The following FUBP3 variants were observed in gnomAD, a reference collection of about 807,000 sequenced individuals.
FUBP3 encodes far upstream element-binding protein 3.
FUBP3 carries 28 observed loss-of-function variants against 85.6 expected under a neutral mutation model. The observed-to-expected ratio is 0.33, with a 90% CI of 0.24 to 0.45. FUBP3 has a LOEUF of 0.45. Ranked by LOEUF, FUBP3 falls within the 20% of genes least tolerant of loss-of-function variation. The probability of loss-of-function intolerance (pLI) is 1.00; values close to 1 mark genes in which losing one functional copy is unlikely to be tolerated. For synonymous variants in FUBP3, 271 were observed against 271.4 expected, an observed-to-expected ratio of 1.00 and a Z score of 0.01; for missense variants, 583 against 755.1, an observed-to-expected ratio of 0.77 and a Z score of 2.67.
intron 6 of FUBP3, among the ~76,000 whole-genome samples, chr9:130,615,991 T>C (rs940195208): frequency 3.9e-5 from 6 of 152,198 alleles, no homozygotes; most frequent in African/African-American, 1.4e-4. Context: ...AGAAGGGTCA[T>C]GTTGGATGGG....
At chr9:130,623,408 A>G (rs984992771) in intron 10 of FUBP3, among the ~76,000 whole-genome samples, 3 of 152,174 alleles carry the variant, frequency 2.0e-5, no homozygotes, top group African/African-American at 7.2e-5. Context: ...AGAATTGAGC[A>G]TTGACCTGAA....
At chr9:130,587,055 GTTTTT>G (rs369585277) in intron 1 of FUBP3, among the ~76,000 whole-genome samples, 3 of 119,344 alleles carry the variant, frequency 2.5e-5, no homozygotes, top group African/African-American at 1.1e-4. Flanking sequence ...GGCGTTTTTT[GTTTTT>G]TTTTTTTGTT....
intron 2 of FUBP3, among the ~76,000 whole-genome samples, chr9:130,601,801 A>ATTTTTTTTTTTTTTTTTTTTTTTTT (rs113638192): frequency 8.5e-6 from 1 of 117,376 alleles, no homozygotes; most frequent in Non-Finnish European, 1.7e-5. Context: ...ATAATTCCTA[A>ATTTTTTTTTTTTTTTTTTTTTTTTT]TTTTTTTTTT....
At chr9:130,634,421 C>T (rs1456605150) in intron 16 of FUBP3, among the ~76,000 whole-genome samples, 1 of 152,242 alleles carries the variant, frequency 6.6e-6, no homozygotes, top group African/African-American at 2.4e-5. Context: ...CTTGCGTCTC[C>T]ATCTGAAGAG....
At chr9:130,606,059 T>C (rs570415918) in intron 2 of FUBP3, among the ~76,000 whole-genome samples, 74 of 152,334 alleles carry the variant, frequency 4.9e-4, no homozygotes, top group African/African-American at 1.5e-3. Flanking sequence ...AAAAAATAAT[T>C]TGCAAAATTA....
intron 2 of FUBP3, among the ~76,000 whole-genome samples, chr9:130,601,101 G>A (rs775995346): frequency 1.3e-5 from 2 of 152,168 alleles, no homozygotes; most frequent in Admixed American, 6.5e-5. Flanking sequence ...ATATTTCACC[G>A]AAACAGGCAG....
At chr9:130,614,393 C>T (rs1239420131) in intron 6 of FUBP3, 48 bp downstream of exon 6, 9 of 1,216,386 alleles carry the variant, frequency 7.4e-6, no homozygotes, top group South Asian at 1.2e-5. Context: ...TCCTCCTTCC[C>T]CAAATGGGGA....
chr9:130,592,998 C>T (rs543085094), intron 1 of FUBP3, among the ~76,000 whole-genome samples: 2 of 152,190 alleles, frequency 1.3e-5, no homozygotes, highest in East Asian at 3.9e-4. Context: ...CTAGTTCCTT[C>T]CATGCTGGCA....
chr9:130,599,404 GT>G (rs1337335004), intron 2 of FUBP3, among the ~76,000 whole-genome samples: 1 of 150,294 alleles, frequency 6.7e-6, no homozygotes, highest in African/African-American at 2.5e-5. Context: ...TATATGTAAA[GT>G]TTTTTTTAAT....
At chr9:130,582,889 T>C (rs1309811623) in intron 1 of FUBP3, among the ~76,000 whole-genome samples, 1 of 152,260 alleles carries the variant, frequency 6.6e-6, no homozygotes, top group Non-Finnish European at 1.5e-5. Flanking sequence ...CAGCTAGCTG[T>C]CTGCCAGTCG....
intron 7 of FUBP3, among the ~76,000 whole-genome samples, chr9:130,617,243 C>CT (rs1832054739): frequency 6.6e-6 from 1 of 152,220 alleles, no homozygotes. Context: ...AGTAAACTTT[C>CT]TTTCAGAAAA....
chr9:130,601,580 A>G (rs1831155736), intron 2 of FUBP3, among the ~76,000 whole-genome samples: 1 of 151,928 alleles, frequency 6.6e-6, no homozygotes, highest in African/African-American at 2.4e-5. Flanking sequence ...CTTCACTCAA[A>G]GACTCGTCTT....
intron 7 of FUBP3, among the ~76,000 whole-genome samples, chr9:130,617,342 A>G (rs72765003): frequency 1.3e-5 from 2 of 152,324 alleles, no homozygotes; most frequent in Non-Finnish European, 2.9e-5. Flanking sequence ...TAAGGATGGT[A>G]TCCTAATGTA....
At chr9:130,590,021 ATTTTTTTTTTTTTTTTT>A (rs60878897) in intron 1 of FUBP3, among the ~76,000 whole-genome samples, 1 of 45,992 alleles carries the variant, frequency 2.2e-5, no homozygotes, top group Admixed American at 4.2e-4. Context: ...GGCCTATTTA[ATTTTTTTTTTTTTTTTT>A]TTTTTTTTTT....
chr9:130,632,167 C>T, intron 15 of FUBP3, 35 bp from the exon 16 acceptor site: 1 of 1,578,226 alleles, frequency 6.3e-7, no homozygotes, highest in Non-Finnish European at 8.7e-7. Context: ...TGACTTGCCC[C>T]CTATAGGAAC....
At position 130,585,630 on chromosome 9, in the gene FUBP3, A is replaced by G. The variant is rs189010691; in HGVS notation, c.84+5866A>G. On this transcript the variant is annotated intron_variant, in intron 1 of 18. Coordinates refer to ENST00000319725, the MANE Select transcript of FUBP3 (RefSeq NM_003934.2). ...TGTAGGACTTCTCAGAACCTTTAAC[A>G]TGCTTATGTGCATTAACTCCTACAG... Among the ~76,000 whole-genome samples the G allele has an allele frequency of 5.2e-3, 797 of 152,354 alleles. 3 individuals are homozygous for G. The highest frequency in any genetic ancestry group is 0.02 in the Middle Eastern group (6 of 294).
At chr9:130,607,426 G>T (rs1831517247) in intron 2 of FUBP3, among the ~76,000 whole-genome samples, 3 of 152,154 alleles carry the variant, frequency 2.0e-5, no homozygotes, top group Admixed American at 6.6e-5. Context: ...GTATATGCTG[G>T]AATTGCTCCA....
chr9:130,593,081 G>T (rs1157894945), intron 1 of FUBP3, among the ~76,000 whole-genome samples: 1 of 152,124 alleles, frequency 6.6e-6, no homozygotes, highest in African/African-American at 2.4e-5. Flanking sequence ...AAGTTCCTCT[G>T]CCTAGAACAT....
chr9:130,587,303 T>A (rs1588113324), intron 1 of FUBP3, among the ~76,000 whole-genome samples: 2 of 152,240 alleles, frequency 1.3e-5, no homozygotes, highest in Middle Eastern at 6.8e-3. Flanking sequence ...GACCTCATGA[T>A]TCACCTGCCT....
Sources: allele counts gnomAD v4.1 joint callset (sites outside exome capture counted in the v4.1 genomes callset), GRCh38; gene constraint gnomAD v4.1.1; transcripts MANE v1.5; gene names NCBI Gene and HGNC (gene_info 2026-07-23, HGNC 2026-07-21).